The following ROBO1 variants were observed in gnomAD, a reference collection of about 807,000 sequenced individuals.
ROBO1 encodes the protein roundabout homolog 1.
In ROBO1, 149 loss-of-function variants were observed where a neutral mutation model predicts 195.9. The observed-to-expected ratio is 0.76, with a 90% CI of 0.67 to 0.87. The LOEUF is 0.87. Among genes scored for constraint, ROBO1 ranks in the 40% least tolerant of loss-of-function variants. ROBO1 has a pLI of 0.00. For missense variants in ROBO1, 1,933 were observed against 2,068.3 expected (o/e 0.93, Z 1.27); for synonymous variants, 816 against 733.2 (o/e 1.11, Z -1.82).
At chr3:79,446,939 T>C (rs898493352) in intron 2 of ROBO1, among the ~76,000 whole-genome samples, 2 of 152,118 alleles carry the variant, frequency 1.3e-5, no homozygotes, top group African/African-American at 2.4e-5. Context: ...TTCTCCTGCC[T>C]CAGCCTCCCA....
chr3:79,560,472 T>A (rs979006612), intron 2 of ROBO1, among the ~76,000 whole-genome samples: 1 of 148,506 alleles, frequency 6.7e-6, no homozygotes, highest in Non-Finnish European at 1.5e-5. Context: ...GCATGGCACA[T>A]GTATACATAT....
chr3:79,564,393 G>A (rs12638562), intron 2 of ROBO1, among the ~76,000 whole-genome samples: 11,497 of 151,964 alleles, frequency 0.076, 464 homozygotes, highest in East Asian at 0.15. Flanking sequence ...ATGTCATCCC[G>A]TGATCTACTG....
At chr3:79,173,186 C>G (rs544452303) in intron 2 of ROBO1, among the ~76,000 whole-genome samples, 1 of 152,044 alleles carries the variant, frequency 6.6e-6, no homozygotes, top group African/African-American at 2.4e-5. Flanking sequence ...GCAGCCCTCA[C>G]AGCCCTCACT....
rs571276212 is a variant in ROBO1 at position 79,269,840 on chromosome 3, C to A, written c.89-144301G>T. Among the ~76,000 whole-genome samples the A allele has an allele frequency of 7.9e-5, 12 of 151,722 alleles. No homozygotes were observed. In the South Asian group the frequency reaches 2.5e-3, roughly 32 times the overall value. ...CATAGACTGAAAGATCCATTTCCCC[C>A]CTAAAATCCTATATTCCATATCTCA... On this transcript the variant is annotated intron_variant, in intron 2 of 30. Coordinates refer to ENST00000464233, the MANE Select transcript of ROBO1 (RefSeq NM_002941.4).
In ROBO1 at chr3:78,600,276, G is replaced by T. The variant is rs967702469; in HGVS notation, c.4778C>A (p.Pro1593Gln). The T allele has an allele frequency of 1.2e-6, 2 of 1,612,322 alleles. No homozygotes were observed. The change falls in exon 30 of 31, where the codon CCA becomes CAA. Residue 1593 changes from proline (P) to glutamine (Q), a missense_variant. Physicochemically the swap from Pro to Gln is moderately conservative, Grantham distance 76. This residue lies in a region of ROBO1 where 1,737 missense variants were observed against 1,882.5 expected (regional missense o/e 0.92). Transcript: ENST00000464233. ...DILPYCRPTF[P>Q]TSNNPRDPSS... ...GGGATCTCTGGGATTATTTGATGTTGGAAAAGTAGGTCTACAATAAGGTAG... is the reference window on the plus strand; with the variant it reads ...GGGATCTCTGGGATTATTTGATGTTTGAAAAGTAGGTCTACAATAAGGTAG...
chr3:78,873,739 A>G (rs890918210), intron 4 of ROBO1, among the ~76,000 whole-genome samples: 7 of 152,248 alleles, frequency 4.6e-5, no homozygotes, highest in African/African-American at 1.7e-4. Flanking sequence ...GAAAAGTTGA[A>G]GAGTTAATGA....
chr3:78,879,291 G>A (rs191324974), intron 4 of ROBO1, among the ~76,000 whole-genome samples: 29 of 152,184 alleles, frequency 1.9e-4, no homozygotes, highest in Admixed American at 1.7e-3. Context: ...ATTTTAAATC[G>A]TGTATACTGG....
At chr3:78,600,703 A>G (rs1703122426) in intron 29 of ROBO1, among the ~76,000 whole-genome samples, 1 of 152,226 alleles carries the variant, frequency 6.6e-6, no homozygotes, top group Non-Finnish European at 1.5e-5. Flanking sequence ...GATAACATCT[A>G]TACCTAGAGG....
At chr3:79,699,916 G>C (rs1207619108) in intron 1 of ROBO1, among the ~76,000 whole-genome samples, 4 of 151,496 alleles carry the variant, frequency 2.6e-5, no homozygotes, top group Non-Finnish European at 5.9e-5. Flanking sequence ...CTCAGGTTTG[G>C]GGTACAAATG....
chr3:78,977,539 T>C (rs1326851844), intron 3 of ROBO1, among the ~76,000 whole-genome samples: 1 of 151,604 alleles, frequency 6.6e-6, no homozygotes, highest in Admixed American at 6.6e-5. Context: ...AATTTTTACA[T>C]TTTCATATTC....
chr3:79,319,320 CATATTGTCTTAA>C (rs1247460226), intron 2 of ROBO1, among the ~76,000 whole-genome samples: 5 of 152,160 alleles, frequency 3.3e-5, no homozygotes, highest in Middle Eastern at 6.8e-3. Context: ...TATTGATTAA[CATATTGTCTTAA>C]ATATTGTCTT....
intron 4 of ROBO1, among the ~76,000 whole-genome samples, chr3:78,930,243 G>A (rs2039439049): frequency 6.6e-6 from 1 of 152,192 alleles, no homozygotes; most frequent in Non-Finnish European, 1.5e-5. Flanking sequence ...CACACAGGAA[G>A]TAAAATATTT....
intron 29 of ROBO1, among the ~76,000 whole-genome samples, chr3:78,603,573 T>A (rs1703299132): frequency 6.6e-6 from 1 of 152,132 alleles, no homozygotes; most frequent in Non-Finnish European, 1.5e-5. Context: ...AGAAATAAAT[T>A]GAACTAACGG....
intron 2 of ROBO1, among the ~76,000 whole-genome samples, chr3:79,213,812 CTTTCT>C (rs1247938502): frequency 3.8e-5 from 5 of 131,026 alleles, no homozygotes; most frequent in South Asian, 2.6e-4. Context: ...TAACTCTCCC[CTTTCT>C]TTTTTTTTTT....
At chr3:79,616,443 C>T (rs948538491) in intron 1 of ROBO1, among the ~76,000 whole-genome samples, 1 of 152,068 alleles carries the variant, frequency 6.6e-6, no homozygotes. Flanking sequence ...GCTGTAGGAT[C>T]CCAAGAGATT....
At chr3:78,962,265 CT>C (rs1165434851) in intron 3 of ROBO1, among the ~76,000 whole-genome samples, 1 of 152,156 alleles carries the variant, frequency 6.6e-6, no homozygotes, top group Non-Finnish European at 1.5e-5. Context: ...GCCTGTGAAT[CT>C]TGAAAGTGGA....
chr3:79,255,713 C>T (rs901324908), intron 2 of ROBO1, among the ~76,000 whole-genome samples: 15 of 152,102 alleles, frequency 9.9e-5, no homozygotes, highest in Non-Finnish European at 1.8e-4. Context: ...ATACGAAGGG[C>T]GATTTCAGGG....
At chr3:78,766,704 T>C (rs756081537) in intron 4 of ROBO1, among the ~76,000 whole-genome samples, 4 of 152,170 alleles carry the variant, frequency 2.6e-5, no homozygotes, top group Non-Finnish European at 4.4e-5. Flanking sequence ...CCCGTTCTCA[T>C]AGCGAATACT....
intron 1 of ROBO1, among the ~76,000 whole-genome samples, chr3:79,649,533 G>T (rs1184405215): frequency 6.6e-6 from 1 of 151,900 alleles, no homozygotes; most frequent in Non-Finnish European, 1.5e-5. Flanking sequence ...TGAATCAAAA[G>T]AATCATGAGA....
Sources: allele counts gnomAD v4.1 joint callset (sites outside exome capture counted in the v4.1 genomes callset), GRCh38; gene constraint gnomAD v4.1.1; regional missense constraint gnomAD v4.1.1; transcripts MANE v1.5; gene names NCBI Gene and HGNC (gene_info 2026-07-23, HGNC 2026-07-21).